TDRD3: variants seen among roughly 807,000 people sequenced by gnomAD.
TDRD3 encodes the protein tudor domain containing 3.
TDRD3 carries 45 observed loss-of-function variants against 86.7 expected under a neutral mutation model. That is an observed-to-expected ratio of 0.52 (90% CI 0.41 to 0.67). TDRD3 has a LOEUF of 0.67. Among genes scored for constraint, TDRD3 ranks in the 30% least tolerant of loss-of-function variants. The pLI is 0.00. For missense variants in TDRD3, 814 were observed against 889.0 expected (o/e 0.92, Z 1.07); for synonymous variants, 298 against 301.7 (o/e 0.99, Z 0.13).
At chr13:60,424,093 C>G (rs1954734123) in intron 1 of TDRD3, among the ~76,000 whole-genome samples, 3 of 151,986 alleles carry the variant, frequency 2.0e-5, no homozygotes, top group Non-Finnish European at 1.5e-5. Flanking sequence ...GCCATCTTGG[C>G]TCACTGCAAG....
intron 12 of TDRD3, among the ~76,000 whole-genome samples, chr13:60,539,209 C>A (rs993022571): frequency 6.6e-6 from 1 of 151,958 alleles, no homozygotes; most frequent in Non-Finnish European, 1.5e-5. Flanking sequence ...CATTATGTAT[C>A]TAGTACATCT....
At chr13:60,527,698 AAT>A (rs1957476095) in intron 10 of TDRD3, among the ~76,000 whole-genome samples, 1 of 152,192 alleles carries the variant, frequency 6.6e-6, no homozygotes, top group African/African-American at 2.4e-5. Flanking sequence ...TATGCTTAGT[AAT>A]GTTTCTGACA....
chr13:60,557,763 T>C (rs1366757951), intron 12 of TDRD3, among the ~76,000 whole-genome samples: 2 of 151,430 alleles, frequency 1.3e-5, no homozygotes, highest in Non-Finnish European at 2.9e-5. Context: ...TACTTTTTTG[T>C]GGCATCAATC....
chr13:60,492,749 A>G (rs1438120305), intron 7 of TDRD3, among the ~76,000 whole-genome samples: 2 of 152,118 alleles, frequency 1.3e-5, no homozygotes, highest in Admixed American at 6.5e-5. Context: ...TGGTAATTGA[A>G]GATGTGGTTT....
chr13:60,413,044 A>AT lies in TDRD3; in HGVS notation c.41+15653dup, dbSNP rs879432200. Among the ~76,000 whole-genome samples, 1,133 of 141,474 alleles carry AT rather than the reference A, an allele frequency of 8.0e-3. 8 individuals are homozygous for AT. Among genetic ancestry groups the AT allele is most frequent in the Admixed American group, 0.011 (161 of 14,044 alleles). The allele number at this position is 141,474 out of a possible 152,430, so 92.8% of individuals were successfully genotyped here. On this transcript the variant is annotated intron_variant, in intron 1 of 13. Coordinates refer to ENST00000377881, the MANE Select transcript of TDRD3 (RefSeq NM_001146070.2). ...TCCCTGCAGTATCCCTGTACTCCCA[A>AT]TTTTTTTTTTTTTTGCCTAAGTACC... is the stretch of plus-strand genomic sequence containing the variant.
intron 11 of TDRD3, among the ~76,000 whole-genome samples, chr13:60,531,824 CA>C (rs1242742801): frequency 6.6e-6 from 1 of 151,650 alleles, no homozygotes; most frequent in African/African-American, 2.4e-5. Context: ...AGTTATGAGC[CA>C]TAGTTAAAAA....
chr13:60,467,205 A>G (rs772016675), intron 4 of TDRD3, 33 bp from the exon 5 acceptor site: 59 of 1,610,226 alleles, frequency 3.7e-5, no homozygotes, highest in Non-Finnish European at 4.8e-5. Context: ...TCTCAGCTTC[A>G]ATATGTTTTT....
intron 12 of TDRD3, among the ~76,000 whole-genome samples, chr13:60,556,106 A>T (rs1050621178): frequency 2.0e-5 from 3 of 152,120 alleles, no homozygotes; most frequent in African/African-American, 7.2e-5. Flanking sequence ...TCGGCCTCCC[A>T]AAGTGCTGGG....
At chr13:60,461,824 T>C (rs140176779) in intron 4 of TDRD3, among the ~76,000 whole-genome samples, 76 of 152,218 alleles carry the variant, frequency 5.0e-4, no homozygotes, top group African/African-American at 1.7e-3. Flanking sequence ...GGGGTTAAAA[T>C]ATGAGTAGGT....
intron 1 of TDRD3, among the ~76,000 whole-genome samples, chr13:60,398,337 C>G (rs1371773048): frequency 1.3e-5 from 2 of 152,044 alleles, no homozygotes; most frequent in African/African-American, 4.8e-5. Flanking sequence ...ATAAACCGTA[C>G]GTACAGAGGA....
intron 10 of TDRD3, among the ~76,000 whole-genome samples, chr13:60,527,225 C>T (rs1253688905): frequency 1.3e-5 from 2 of 152,154 alleles, no homozygotes; most frequent in Admixed American, 6.6e-5. Context: ...AAACAATTTA[C>T]CAGATACCTT....
At chr13:60,405,350 A>G (rs1954210103) in intron 1 of TDRD3, among the ~76,000 whole-genome samples, 1 of 152,210 alleles carries the variant, frequency 6.6e-6, no homozygotes, top group South Asian at 2.1e-4. Context: ...AAAAAAACCC[A>G]TTAATTACAT....
rs2137774157 is a variant in TDRD3 at position 60,397,362 on chromosome 13, A to C, written c.-3A>C. The stretch of plus-strand genomic sequence containing the variant: ...CCCACCACCCCCGGCCTAAGCAGCT[A>C]CCATGGCCCAGGTGGCCGGCGCGGC... On this transcript the variant is annotated 5_prime_UTR_variant, in exon 1 of 14. Transcript: ENST00000377881. 1 of 1,485,980 alleles carries C rather than the reference A, an allele frequency of 6.7e-7. No homozygotes were observed. Among genetic ancestry groups the C allele is most frequent in the Non-Finnish European group, 9.0e-7 (1 of 1,117,182 alleles). The allele number at this position is 1,485,980 out of a possible 1,614,324, so 92.0% of individuals were successfully genotyped here. A position where few individuals can be genotyped will look rare whatever the true frequency, so the allele number is the denominator to read the frequency against.
chr13:60,417,956 C>G (rs1422939605), intron 1 of TDRD3, among the ~76,000 whole-genome samples: 1 of 152,114 alleles, frequency 6.6e-6, no homozygotes, highest in Admixed American at 6.5e-5. Context: ...CTACTTCAGG[C>G]CTTTATTCTT....
chr13:60,494,753 A>G (rs1803222980), intron 8 of TDRD3, among the ~76,000 whole-genome samples, 178 bp downstream of exon 8: 1 of 152,212 alleles, frequency 6.6e-6, no homozygotes, highest in South Asian at 2.1e-4. Context: ...TTTGAAAAAT[A>G]ATTTACTTAA....
intron 12 of TDRD3, among the ~76,000 whole-genome samples, chr13:60,548,372 G>A (rs1957977971): frequency 6.6e-6 from 1 of 152,016 alleles, no homozygotes; most frequent in Non-Finnish European, 1.5e-5. Context: ...TTTTTATGAG[G>A]GCATAAGAAG....
intron 4 of TDRD3, among the ~76,000 whole-genome samples, chr13:60,463,971 C>G (rs1217218768): frequency 6.6e-6 from 1 of 152,174 alleles, no homozygotes; most frequent in Non-Finnish European, 1.5e-5. Flanking sequence ...TTGGTGCCAT[C>G]CTTGCAGTGA....
chr13:60,507,621 A>G (rs111742770), intron 8 of TDRD3, among the ~76,000 whole-genome samples: 1,816 of 152,300 alleles, frequency 0.012, 13 homozygotes, highest in Non-Finnish European at 0.02. Flanking sequence ...GCAAAAGTAA[A>G]TAAGTTCTTT....
At chr13:60,511,767 G>A (rs1282793731) in intron 10 of TDRD3, among the ~76,000 whole-genome samples, 1 of 151,934 alleles carries the variant, frequency 6.6e-6, no homozygotes, top group South Asian at 2.1e-4. Context: ...TTTTTGCTTG[G>A]TGTTGCCTGG....
Sources: gnomAD v4.1 joint callset for allele counts (sites outside exome capture counted in the v4.1 genomes callset) on GRCh38, gnomAD v4.1.1 for gene constraint, MANE v1.5 for transcripts, NCBI Gene and HGNC (gene_info 2026-07-23, HGNC 2026-07-21) for gene names.